Variants in CSN1S1 observed in about 807,000 individuals in gnomAD.
CSN1S1 encodes alpha-S1-casein.
Under a neutral mutation model 49.1 loss-of-function variants are expected in CSN1S1, and 63 were observed. The ratio of observed to expected loss-of-function variants is 1.28; its 90% CI spans 1.05 to 1.58. CSN1S1 has a LOEUF of 1.58. CSN1S1 is among the 40% of genes most tolerant of loss of function. CSN1S1 has a pLI of 0.00. For synonymous variants in CSN1S1, 78 were observed against 67.1 expected, an observed-to-expected ratio of 1.16 and a Z score of -0.79; for missense variants, 260 against 224.7, an observed-to-expected ratio of 1.16 and a Z score of -1.01.
intron 9 of CSN1S1, among the ~76,000 whole-genome samples, chr4:69,938,281 C>T (rs1049204728): frequency 6.6e-6 from 1 of 151,668 alleles, no homozygotes; most frequent in Admixed American, 6.6e-5. Flanking sequence ...AGTGAGCATA[C>T]TACCCAACAG....
At chr4:69,941,340 C>T (rs1281061188) in intron 12 of CSN1S1, among the ~76,000 whole-genome samples, 1 of 151,710 alleles carries the variant, frequency 6.6e-6, no homozygotes, top group Non-Finnish European at 1.5e-5. Flanking sequence ...TTTTAACCTC[C>T]CTGATGATAC....
intron 3 of CSN1S1, 114 bp from the exon 4 acceptor site, chr4:69,934,576 A>G (rs1560385993): frequency 7.8e-6 from 7 of 897,910 alleles, no homozygotes; most frequent in African/African-American, 1.7e-5. Context: ...GTCTCATTTG[A>G]TATGTTGAAT....
chr4:69,940,824 T>G (rs946888433), intron 11 of CSN1S1, among the ~76,000 whole-genome samples, 195 bp from the exon 12 acceptor site: 3 of 151,814 alleles, frequency 2.0e-5, no homozygotes, highest in Non-Finnish European at 4.4e-5. Context: ...AGAAGTTGCT[T>G]TTTAAAATGT....
At chr4:69,940,542 C>T (rs1052521029) in intron 11 of CSN1S1, among the ~76,000 whole-genome samples, 2 of 151,688 alleles carry the variant, frequency 1.3e-5, no homozygotes, top group African/African-American at 4.8e-5. Flanking sequence ...AAGTCTATAA[C>T]TTAATCCTAA....
At chr4:69,937,169 T>C (rs987437901) in intron 8 of CSN1S1, 25 bp downstream of exon 8, 1 of 1,492,194 alleles carries the variant, frequency 6.7e-7, no homozygotes. Context: ...TTTAAAATTA[T>C]TAAACCAATA....
At position 69,932,586 on chromosome 4, in the gene CSN1S1, G is replaced by C; in HGVS notation, c.31G>C (p.Ala11Pro). MRLLILTCLV[A>P]VALARPKLPL... ...GCTTCTCATTCTCACCTGTCTTGTG[G>C]CTGTTGCTCTTGCCAGGCCTGTAAG... The change falls in exon 2 of 16, where the codon GCT becomes CCT. Residue 11 changes from alanine (A) to proline (P), a missense_variant. Physicochemically the swap from Ala to Pro is conservative, Grantham distance 27 (BLOSUM62 -1). Coordinates refer to ENST00000246891, the MANE Select transcript of CSN1S1 (RefSeq NM_001890.2). 1 of 1,602,476 alleles carries C rather than the reference G, an allele frequency of 6.2e-7. No homozygotes were observed. Among genetic ancestry groups the C allele is most frequent in the Non-Finnish European group, 8.5e-7 (1 of 1,173,372 alleles).
intron 14 of CSN1S1, among the ~76,000 whole-genome samples, 194 bp from the exon 15 acceptor site, chr4:69,944,652 TAAAA>T (rs1723093059): frequency 1.3e-5 from 2 of 152,046 alleles, no homozygotes; most frequent in African/African-American, 4.8e-5. Context: ...TCAGGTGTCT[TAAAA>T]GAGCACCTTC....
Position 69,934,258 on chromosome 4 carries a change from T to A in CSN1S1, c.84+14T>A. The A allele has an allele frequency of 1.2e-6, 2 of 1,609,618 alleles. No homozygotes were observed. The highest frequency in any genetic ancestry group is 1.7e-6 in the Non-Finnish European group (2 of 1,177,162). ...GAACGCCTTCAGGTAAATATTCTAT[T>A]CTGCATTCCAAGAACTCACTCTAAT... On this transcript the variant is annotated intron_variant, in intron 3 of 15. Coordinates refer to ENST00000246891, the MANE Select transcript of CSN1S1 (RefSeq NM_001890.2).
chr4:69,946,558 T>C lies in CSN1S1; in HGVS notation c.*362T>C, dbSNP rs1723172946. ...ATTTTCTTTTTTCTTTTCAATAAAT[T>C]ACACTTTAAGGCAAAAGCCGTATTT... On this transcript the variant is annotated 3_prime_UTR_variant, in exon 16 of 16. Transcript: ENST00000246891. 6.4e-6 allele frequency: 1 copy of C among 156,178 alleles called. No homozygotes were observed. Among genetic ancestry groups the C allele is most frequent in the Non-Finnish European group, 1.4e-5 (1 of 70,792 alleles). 9.7% of individuals were successfully genotyped at this position (156,178 alleles called of 1,614,324 possible). A position where few individuals can be genotyped will look rare whatever the true frequency, so the allele number is the denominator to read the frequency against.
At chr4:69,942,704 A>C (rs1723016169) in intron 14 of CSN1S1, 127 bp downstream of exon 14, 2 of 699,724 alleles carry the variant, frequency 2.9e-6, no homozygotes, top group Non-Finnish European at 4.9e-6. Flanking sequence ...TCCCAACTTA[A>C]ATCTCAGTTC....
chr4:69,939,271 C>T lies in CSN1S1; in HGVS notation c.276+63C>T, dbSNP rs981108833. 51 of 1,234,504 alleles carry T rather than the reference C, an allele frequency of 4.1e-5. No individual in the cohort carries two copies. The East Asian group carries it at 7.1e-4, about 17-fold the overall frequency. The allele number at this position is 1,234,504 out of a possible 1,614,324, so 76.5% of individuals were successfully genotyped here. On this transcript the variant is annotated intron_variant, in intron 10 of 15. Transcript: ENST00000246891. ...TTTAAAAAATTATGAAAACTTGTACCGTGAGGATTACATATCCCTTAAGGT... is the reference window on the plus strand; with the variant it reads ...TTTAAAAAATTATGAAAACTTGTACTGTGAGGATTACATATCCCTTAAGGT...
rs375841961 is a variant in CSN1S1 at position 69,934,713 on chromosome 4, A to G, written c.105+3A>G. 31 of 1,609,120 alleles carry G rather than the reference A, an allele frequency of 1.9e-5. No individual in the cohort carries two copies. In the African/African-American group the frequency reaches 3.3e-4, roughly 17 times the overall value. ...AGAATCCATCAGAGAGCAGTGAGGT[A>G]AGCTCTGTTTATGGGGAGTCAGGAT... On this transcript the variant is annotated splice_donor_region_variant and intron_variant, in intron 4 of 15. Transcript: ENST00000246891.
intron 8 of CSN1S1, 139 bp downstream of exon 8, chr4:69,937,283 T>C (rs886861186): frequency 3.2e-6 from 2 of 634,142 alleles, no homozygotes; most frequent in African/African-American, 1.9e-5. Context: ...TAGTGTATCA[T>C]ACATTGGCCA....
chr4:69,942,108 T>C, intron 13 of CSN1S1, 45 bp downstream of exon 13: 2 of 1,222,792 alleles, frequency 1.6e-6, no homozygotes, highest in East Asian at 5.2e-5. Flanking sequence ...ATTTCCTTCA[T>C]GTGTTATGTT....
At chr4:69,945,842 A>ATT (rs1167669999) in intron 15 of CSN1S1, among the ~76,000 whole-genome samples, 2 of 96,062 alleles carry the variant, frequency 2.1e-5, no homozygotes, top group African/African-American at 4.2e-5. Flanking sequence ...GGAGCTTCCA[A>ATT]TTGTGTGTTT....
Position 69,946,188 on chromosome 4 carries a change from A to C in CSN1S1, c.*-8A>C. ...TAACTCACCACATATTTCTATTTCT[A>C]TTTACAGATATGATTGAAAATTTCA... On this transcript the variant is annotated splice_region_variant and splice_polypyrimidine_tract_variant and intron_variant, in intron 15 of 15. Coordinates refer to ENST00000246891, the MANE Select transcript of CSN1S1 (RefSeq NM_001890.2). 1.8e-6 allele frequency: 1 copy of C among 550,724 alleles called. No homozygotes were observed. The highest frequency in any genetic ancestry group is 2.4e-5 in the South Asian group (1 of 41,988). 34.1% of individuals were successfully genotyped at this position (550,724 alleles called of 1,614,324 possible).
intron 12 of CSN1S1, 75 bp downstream of exon 12, chr4:69,941,135 C>A: frequency 3.1e-6 from 2 of 635,904 alleles, no homozygotes; most frequent in Non-Finnish European, 2.5e-6. Context: ...TAAATTGGGG[C>A]CATTTCTAAA....
chr4:69,938,893 T>C lies in CSN1S1; in HGVS notation c.244-283T>C, dbSNP rs1722890030. 1.3e-5 allele frequency among the ~76,000 whole-genome samples: 2 copies of C among 151,724 alleles called. 1 individual carries two copies. Among genetic ancestry groups the C allele is most frequent in the South Asian group, 4.1e-4 (2 of 4,830 alleles). On this transcript the variant is annotated intron_variant, in intron 9 of 15. Transcript: ENST00000246891. Reference sequence around the variant, plus strand: ...TTTGTCACAAAAATCTATGCAAATTTTGCATTCTACTCAATGATAAACTTG... The same window carrying C: ...TTTGTCACAAAAATCTATGCAAATTCTGCATTCTACTCAATGATAAACTTG...
chr4:69,934,277 C>A (rs1257001296), intron 3 of CSN1S1, 33 bp downstream of exon 3: 8 of 1,601,208 alleles, frequency 5.0e-6, no homozygotes, highest in Non-Finnish European at 6.8e-6. Context: ...CAAGAACTCA[C>A]TCTAATTGTG....
Sources: allele counts gnomAD v4.1 joint callset (sites outside exome capture counted in the v4.1 genomes callset), GRCh38; gene constraint gnomAD v4.1.1; transcripts MANE v1.5; gene names NCBI Gene and HGNC (gene_info 2026-07-23, HGNC 2026-07-21).